The following CSMD1 variants were observed in gnomAD, a reference collection of about 807,000 sequenced individuals.
CSMD1 encodes the protein CUB and sushi domain-containing protein 1.
A neutral mutation model predicts 417.5 loss-of-function variants in CSMD1; 213 were observed. That is an observed-to-expected ratio of 0.51 (90% CI 0.46 to 0.57). The LOEUF (loss-of-function observed/expected upper bound fraction) is 0.57. CSMD1 is among the 20% of genes least tolerant of loss of function. CSMD1 has a pLI of 0.00. For synonymous variants in CSMD1, 2,862 were observed against 1,736.8 expected, an observed-to-expected ratio of 1.65 and a Z score of -16.11; for missense variants, 6,923 against 4,529.7, an observed-to-expected ratio of 1.53 and a Z score of -15.17.
At chr8:4,049,267 A>G (rs1798301327) in intron 3 of CSMD1, among the ~76,000 whole-genome samples, 1 of 151,996 alleles carries the variant, frequency 6.6e-6, no homozygotes, top group Non-Finnish European at 1.5e-5. Context: ...GTATGAAATA[A>G]TTATTTGCTG....
At chr8:3,808,490 G>A (rs6988308) in intron 5 of CSMD1, among the ~76,000 whole-genome samples, 5 of 151,922 alleles carry the variant, frequency 3.3e-5, no homozygotes, top group African/African-American at 9.7e-5. Context: ...TATGTTTTCT[G>A]CCTTATGAAG....
chr8:3,823,495 C>T (rs868615393), intron 5 of CSMD1, among the ~76,000 whole-genome samples: 3 of 152,012 alleles, frequency 2.0e-5, no homozygotes, highest in African/African-American at 7.2e-5. Context: ...AACCATTTAG[C>T]TTATGCTTGA....
intron 26 of CSMD1, among the ~76,000 whole-genome samples, chr8:3,239,368 C>T (rs1449384538): frequency 6.9e-6 from 1 of 144,670 alleles, no homozygotes; most frequent in African/African-American, 2.5e-5. Flanking sequence ...CAAGGCTAAA[C>T]TGAAGAATTA....
chr8:3,342,899 A>G (rs2551046), intron 23 of CSMD1, among the ~76,000 whole-genome samples: 16,832 of 142,950 alleles, frequency 0.12, 1,247 homozygotes, highest in African/African-American at 0.21. Context: ...ATATGTGTGT[A>G]TGTGTGTGTG....
chr8:4,042,533 A>G (rs1195153418), intron 3 of CSMD1, among the ~76,000 whole-genome samples: 1 of 152,100 alleles, frequency 6.6e-6, no homozygotes, highest in East Asian at 1.9e-4. Flanking sequence ...GGCCCATACC[A>G]CAAGGAATAT....
chr8:3,348,435 A>G (rs1303855889), intron 21 of CSMD1, among the ~76,000 whole-genome samples: 1 of 152,168 alleles, frequency 6.6e-6, no homozygotes, highest in Non-Finnish European at 1.5e-5. Context: ...GAGTTCTAGA[A>G]TAAAACAGAG....
chr8:4,329,171 C>T (rs1799724938), intron 3 of CSMD1, among the ~76,000 whole-genome samples: 1 of 152,128 alleles, frequency 6.6e-6, no homozygotes. Flanking sequence ...TCATCAAGCC[C>T]ATAATGGAGA....
chr8:3,302,732 T>C (rs1013973557), intron 25 of CSMD1, among the ~76,000 whole-genome samples: 1 of 152,214 alleles, frequency 6.6e-6, no homozygotes, highest in Non-Finnish European at 1.5e-5. Flanking sequence ...GTTATCCATA[T>C]AGTGATGTAG....
chr8:4,962,797 C>T (rs1392059747), intron 1 of CSMD1, among the ~76,000 whole-genome samples: 1 of 152,146 alleles, frequency 6.6e-6, no homozygotes, highest in African/African-American at 2.4e-5. Flanking sequence ...AATTACACTC[C>T]TTAGTAAAAA....
chr8:3,589,273 G>T (rs1402260571), intron 8 of CSMD1, among the ~76,000 whole-genome samples: 1 of 152,090 alleles, frequency 6.6e-6, no homozygotes, highest in Non-Finnish European at 1.5e-5. Context: ...ATACGTTGAA[G>T]AGATATCTGC....
At chr8:4,918,411 A>C (rs1033933924) in intron 1 of CSMD1, among the ~76,000 whole-genome samples, 1 of 152,206 alleles carries the variant, frequency 6.6e-6, no homozygotes, top group Non-Finnish European at 1.5e-5. Context: ...CGATTCTTGC[A>C]CAATATCCTC....
At chr8:3,317,151 G>C (rs1805827635) in intron 23 of CSMD1, among the ~76,000 whole-genome samples, 2 of 152,066 alleles carry the variant, frequency 1.3e-5, no homozygotes, top group Admixed American at 6.6e-5. Context: ...AGGAAGAGGA[G>C]AATCATCAGC....
rs1464769683 is a variant in CSMD1 at position 4,267,368 on chromosome 8, G to T, written c.415+152585C>A. ...AAAAGTAACAATAAGAGTTTAAAAGGGAGTCTTAGGATTAACTATGAACTC... is the reference window on the plus strand; with the variant it reads ...AAAAGTAACAATAAGAGTTTAAAAGTGAGTCTTAGGATTAACTATGAACTC... On this transcript the variant is annotated intron_variant, in intron 3 of 69. Transcript: ENST00000635120. Among the ~76,000 whole-genome samples the T allele has an allele frequency of 1.7e-5, 2 of 116,950 alleles. 1 individual carries two copies. The allele number at this position is 116,950 out of a possible 152,430, so 76.7% of individuals were successfully genotyped here.
intron 1 of CSMD1, among the ~76,000 whole-genome samples, chr8:4,784,987 C>G (rs1425110802): frequency 1.3e-5 from 2 of 152,138 alleles, no homozygotes; most frequent in African/African-American, 4.8e-5. Context: ...AATGGAAGTC[C>G]TCAAGTTTTA....
At chr8:4,043,913 A>G (rs569134437) in intron 3 of CSMD1, among the ~76,000 whole-genome samples, 1 of 152,330 alleles carries the variant, frequency 6.6e-6, no homozygotes, top group Non-Finnish European at 1.5e-5. Flanking sequence ...CTGAATCTGT[A>G]TAGACCTATG....
At chr8:3,689,767 A>G (rs1435405321) in intron 7 of CSMD1, among the ~76,000 whole-genome samples, 1 of 152,162 alleles carries the variant, frequency 6.6e-6, no homozygotes, top group Non-Finnish European at 1.5e-5. Flanking sequence ...AGAGGCCCAG[A>G]GTTATAAAGT....
At chr8:4,094,897 GA>G (rs934287408) in intron 3 of CSMD1, among the ~76,000 whole-genome samples, 1 of 152,214 alleles carries the variant, frequency 6.6e-6, no homozygotes, top group African/African-American at 2.4e-5. Flanking sequence ...ACAGATTGAA[GA>G]GGATACTGGA....
intron 11 of CSMD1, among the ~76,000 whole-genome samples, chr8:3,478,176 A>C (rs1817536057): frequency 6.6e-6 from 1 of 152,236 alleles, no homozygotes; most frequent in South Asian, 2.1e-4. Flanking sequence ...GTGGCACAGA[A>C]GATGATGTGA....
chr8:4,051,127 G>C (rs1007982695), intron 3 of CSMD1, among the ~76,000 whole-genome samples: 8 of 151,900 alleles, frequency 5.3e-5, no homozygotes, highest in South Asian at 2.1e-4. Flanking sequence ...AAAAAGAAAA[G>C]AAAAGAAAAG....
Sources: allele counts gnomAD v4.1 joint callset (sites outside exome capture counted in the v4.1 genomes callset), GRCh38; gene constraint gnomAD v4.1.1; transcripts MANE v1.5; gene names NCBI Gene and HGNC (gene_info 2026-07-23, HGNC 2026-07-21).